The following UGT1A10 variants were observed in gnomAD, a reference collection of about 807,000 sequenced individuals.
UGT1A10 encodes UDP-glucuronosyltransferase 1A10.
UGT1A10 carries 49 observed loss-of-function variants against 45.8 expected under a neutral mutation model. That is an observed-to-expected ratio of 1.07 (90% CI 0.85 to 1.36). The LOEUF (loss-of-function observed/expected upper bound fraction) is 1.36. Among genes scored for constraint, UGT1A10 ranks in the 40% most tolerant of loss-of-function variants. UGT1A10 has a pLI of 0.00. For missense variants in UGT1A10, 745 were observed against 668.6 expected (o/e 1.11, Z -1.26); for synonymous variants, 284 against 249.7 (o/e 1.14, Z -1.29).
intron 1 of UGT1A10, among the ~76,000 whole-genome samples, chr2:233,722,820 A>AT (rs1013250134): frequency 4.0e-5 from 6 of 148,234 alleles, no homozygotes; most frequent in Non-Finnish European, 9.0e-5. Context: ...TTTTCAAGTT[A>AT]TTTTGTATTA....
chr2:233,744,032 T>C, intron 1 of UGT1A10: 1 of 835,228 alleles, frequency 1.2e-6, no homozygotes, highest in African/African-American at 1.8e-5. Context: ...ACGCCCCTTA[T>C]GACGCAGCCA....
At chr2:233,677,380 T>C (rs2074389038) in intron 1 of UGT1A10, among the ~76,000 whole-genome samples, 1 of 152,188 alleles carries the variant, frequency 6.6e-6, no homozygotes, top group South Asian at 2.1e-4. Context: ...CCGTGTGTAG[T>C]AGAAAATCCG....
intron 1 of UGT1A10, chr2:233,672,472 G>A (rs2074228184): frequency 1.9e-6 from 3 of 1,613,866 alleles, no homozygotes; most frequent in East Asian, 4.5e-5. Context: ...TCTTGAAGAA[G>A]GTGCACAGTG....
At chr2:233,741,626 G>C (rs997188188) in intron 1 of UGT1A10, 2 of 151,868 alleles carry the variant, frequency 1.3e-5, no homozygotes, top group African/African-American at 4.9e-5. Flanking sequence ...GACCCCATGA[G>C]CCCCTGTGGG....
In UGT1A10 at chr2:233,772,448, C is replaced by A; in HGVS notation, c.1482C>A (p.Ala494=). ...TGGACGTGATTGGTTTCCTCTTGGC[C>A]GTCGTGCTGACAGTGGCCTTCATCA... The part of the protein sequence containing the change: ...HSLDVIGFLL[A]VVLTVAFITF... Residue 494 remains alanine (A), a synonymous_variant, in exon 5 of 5, where the codon GCC becomes GCA. Coordinates refer to ENST00000344644, the MANE Select transcript of UGT1A10 (RefSeq NM_019075.4). 6.2e-7 allele frequency: 1 copy of A among 1,614,180 alleles called. No individual in the cohort carries two copies. The highest frequency in any genetic ancestry group is 8.5e-7 in the Non-Finnish European group (1 of 1,180,038).
At chr2:233,758,766 C>A (rs1239430775) in intron 1 of UGT1A10, among the ~76,000 whole-genome samples, 1 of 152,154 alleles carries the variant, frequency 6.6e-6, no homozygotes, top group Admixed American at 6.5e-5. Flanking sequence ...GTGTATGGTT[C>A]AAATGTTGGG....
chr2:233,723,506 G>T (rs2077088839), intron 1 of UGT1A10, among the ~76,000 whole-genome samples: 1 of 130,702 alleles, frequency 7.7e-6, no homozygotes, highest in Non-Finnish European at 1.6e-5. Context: ...CACTGCACCT[G>T]GTCAACAATC....
chr2:233,653,028 C>A (rs2073777885), intron 1 of UGT1A10, among the ~76,000 whole-genome samples: 1 of 152,182 alleles, frequency 6.6e-6, no homozygotes, highest in African/African-American at 2.4e-5. Flanking sequence ...AGTGAACCCA[C>A]ATGGCCTCTC....
intron 1 of UGT1A10, among the ~76,000 whole-genome samples, chr2:233,759,710 G>C (rs746376626): frequency 6.6e-6 from 1 of 151,530 alleles, no homozygotes; most frequent in African/African-American, 2.4e-5. Context: ...GCGCGTGCTC[G>C]TGTGGTGGGC....
chr2:233,698,504 T>C (rs2125575821), intron 1 of UGT1A10, among the ~76,000 whole-genome samples: 2 of 152,244 alleles, frequency 1.3e-5, no homozygotes, highest in East Asian at 1.9e-4. Flanking sequence ...ATTAGGCAAA[T>C]CACATAATCG....
At chr2:233,671,543 A>G (rs1246192526) in intron 1 of UGT1A10, among the ~76,000 whole-genome samples, 9 of 152,234 alleles carry the variant, frequency 5.9e-5, no homozygotes, top group Non-Finnish European at 1.0e-4. Context: ...GCCTAAAGGT[A>G]AAATCTAAAT....
At chr2:233,658,587 T>A (rs1278656558) in intron 1 of UGT1A10, among the ~76,000 whole-genome samples, 2 of 152,194 alleles carry the variant, frequency 1.3e-5, no homozygotes, top group African/African-American at 4.8e-5. Context: ...TGGTCGGATG[T>A]TCTGTAGAAT....
chr2:233,733,823 A>G (rs1027211154), intron 1 of UGT1A10, among the ~76,000 whole-genome samples: 1 of 152,166 alleles, frequency 6.6e-6, no homozygotes. Context: ...GCCTCATAAA[A>G]TGAGTTAGGG....
intron 1 of UGT1A10, among the ~76,000 whole-genome samples, chr2:233,680,284 A>G (rs1253701804): frequency 6.6e-6 from 1 of 152,182 alleles, no homozygotes; most frequent in Non-Finnish European, 1.5e-5. Flanking sequence ...ACCATAAGAG[A>G]TCATTTTTTA....
chr2:233,669,016 T>C (rs1452670868), intron 1 of UGT1A10, among the ~76,000 whole-genome samples: 1 of 152,120 alleles, frequency 6.6e-6, no homozygotes, highest in East Asian at 1.9e-4. Flanking sequence ...AACACAGGGG[T>C]TATAGGTTTT....
At chr2:233,667,772 C>T (rs1218620269) in intron 1 of UGT1A10, among the ~76,000 whole-genome samples, 4 of 152,104 alleles carry the variant, frequency 2.6e-5, no homozygotes, top group Admixed American at 2.0e-4. Context: ...CCAAAAGACA[C>T]ATGAAAAAAT....
chr2:233,772,307 C>G lies in UGT1A10; in HGVS notation c.1341C>G (p.Arg447=), dbSNP rs1321809873. The G allele has an allele frequency of 6.2e-7, 1 of 1,614,232 alleles. No homozygotes were observed. The highest frequency in any genetic ancestry group is 1.7e-5 in the Admixed American group (1 of 60,028). Residue 447 remains arginine (R), a synonymous_variant, in exon 5 of 5, where the codon CGC becomes CGG. Coordinates refer to ENST00000344644, the MANE Select transcript of UGT1A10 (RefSeq NM_019075.4). ...IMRLSSLHKD[R]PVEPLDLAVF... ...GCCTCTCCAGCCTTCACAAGGACCGCCCGGTGGAGCCGCTGGACCTGGCCG... is the reference window on the plus strand; with the variant it reads ...GCCTCTCCAGCCTTCACAAGGACCGGCCGGTGGAGCCGCTGGACCTGGCCG...
chr2:233,647,918 A>G (rs2073643527), intron 1 of UGT1A10: 3 of 1,597,802 alleles, frequency 1.9e-6, no homozygotes, highest in African/African-American at 1.3e-5. Context: ...GGGAAGGTAG[A>G]TCACTCACTG....
At chr2:233,693,296 C>T (rs774620598) in intron 1 of UGT1A10, 2 of 1,614,126 alleles carry the variant, frequency 1.2e-6, no homozygotes, top group Admixed American at 3.3e-5. Context: ...TGGAAACAAT[C>T]ACTTTGCTGA....
Sources: gnomAD v4.1 joint callset for allele counts (sites outside exome capture counted in the v4.1 genomes callset) on GRCh38, gnomAD v4.1.1 for gene constraint, MANE v1.5 for transcripts, NCBI Gene and HGNC (gene_info 2026-07-23, HGNC 2026-07-21) for gene names.